The following NBDY variants were observed in gnomAD, a reference collection of about 807,000 sequenced individuals.
The protein encoded by NBDY is negative regulator of P-body association.
At chrX:56,758,058 G>A (rs758455707) in intron 2 of NBDY, among the ~76,000 whole-genome samples, 11 of 111,801 alleles carry the variant, frequency 9.8e-5, no homozygotes, top group Non-Finnish European at 1.5e-4. Context: ...GGTCCGCTAG[G>A]CATGGTGGCC....
intron 2 of NBDY, among the ~76,000 whole-genome samples, chrX:56,815,192 A>G (rs1012000348): frequency 2.7e-5 from 3 of 111,874 alleles, no homozygotes; most frequent in African/African-American, 6.5e-5. Context: ...AATGCTAAAA[A>G]CACTTAATTT....
chrX:56,804,781 C>A (rs1462321423), intron 2 of NBDY, among the ~76,000 whole-genome samples: 1 of 112,013 alleles, frequency 8.9e-6, no homozygotes, highest in Non-Finnish European at 1.9e-5. Flanking sequence ...GGTCTCCAGG[C>A]AGAAATGGGA....
chrX:56,761,884 G>A (rs941496254), intron 2 of NBDY, among the ~76,000 whole-genome samples: 1 of 112,146 alleles, frequency 8.9e-6, no homozygotes, highest in Non-Finnish European at 1.9e-5. Context: ...TTTCCTCTCC[G>A]TTTTTCCTCT....
chrX:56,729,872 C>T (rs149628120), intron 1 of NBDY, among the ~76,000 whole-genome samples: 3 of 110,584 alleles, frequency 2.7e-5, no homozygotes, highest in African/African-American at 9.9e-5. Flanking sequence ...TCATTGGTGC[C>T]AAGGTGGAGG....
Position 56,799,163 on chromosome X carries a change from CT to C in NBDY, c.*167-18154del, listed in dbSNP as rs1173939583. Among the ~76,000 whole-genome samples, 3 of 112,452 alleles carry C rather than the reference CT, an allele frequency of 2.7e-5. No homozygotes were observed. In the East Asian group the frequency reaches 8.5e-4, roughly 32 times the overall value. The stretch of plus-strand genomic sequence containing the variant: ...GATAGCGCCCTGGCTCCACAGCTCT[CT>C]TTGTAAGAATGGACAGGCAGGGGCG... On this transcript the variant is annotated intron_variant, in intron 2 of 2. Transcript: ENST00000374922.
Position 56,729,449 on chromosome X carries a change from G to C in NBDY, c.96G>C (p.Pro32=), listed in dbSNP as rs957598436. Residue 32 remains proline (P), a synonymous_variant, in exon 1 of 3, where the codon CCG becomes CCC. Transcript: ENST00000374922. ...KPPKKRCLLA[P]RWDYPEGTPN... is the part of the protein sequence containing the mutation. ...CAAAAAAGCGCTGCCTCCTCGCTCCGCGTTGGGATTATCCGGAAGGAACTC... is the reference window on the plus strand; with the variant it reads ...CAAAAAAGCGCTGCCTCCTCGCTCCCCGTTGGGATTATCCGGAAGGAACTC... The C allele has an allele frequency of 9.5e-5, 28 of 295,769 alleles. No homozygotes were observed. The highest frequency in any genetic ancestry group is 1.5e-4 in the Non-Finnish European group (26 of 169,954). The allele number at this position is 295,769 out of a possible 1,213,427, so 24.4% of individuals were successfully genotyped here. A position where few individuals can be genotyped will look rare whatever the true frequency, so the allele number is the denominator to read the frequency against.
At chrX:56,795,383 G>A (rs2069786701) in intron 2 of NBDY, among the ~76,000 whole-genome samples, 1 of 111,907 alleles carries the variant, frequency 8.9e-6, no homozygotes, top group Non-Finnish European at 1.9e-5. Context: ...GCCTGACGTG[G>A]TCCATCATAC....
intron 2 of NBDY, among the ~76,000 whole-genome samples, chrX:56,812,196 C>T (rs948117628): frequency 1.3e-4 from 14 of 108,027 alleles, no homozygotes; most frequent in African/African-American, 4.7e-4. Flanking sequence ...GCTCCTATTC[C>T]ACCATCTTGC....
At chrX:56,756,723 G>A (rs2069613116) in intron 2 of NBDY, among the ~76,000 whole-genome samples, 1 of 111,895 alleles carries the variant, frequency 8.9e-6, no homozygotes, top group African/African-American at 3.2e-5. Context: ...TCAATGTTTT[G>A]GGAGGGCAAG....
chrX:56,802,051 C>A (rs1391628804), intron 2 of NBDY, among the ~76,000 whole-genome samples: 1 of 110,833 alleles, frequency 9.0e-6, no homozygotes, highest in Non-Finnish European at 1.9e-5. Flanking sequence ...CGGGCTCAAG[C>A]ATTCACCCAC....
intron 2 of NBDY, among the ~76,000 whole-genome samples, chrX:56,789,066 G>A (rs1473748969): frequency 1.8e-5 from 2 of 112,764 alleles, no homozygotes; most frequent in Non-Finnish European, 3.8e-5. Flanking sequence ...TGGCAGTCAC[G>A]TCTTTTCCTT....
At chrX:56,764,702 C>CAAAAAAAAAAAAAAAAA (rs10623590) in intron 2 of NBDY, among the ~76,000 whole-genome samples, 13 of 60,786 alleles carry the variant, frequency 2.1e-4, no homozygotes, top group Non-Finnish European at 3.4e-4. Context: ...AAACAAACAC[C>CAAAAAAAAAAAAAAAAA]AAAAAAAAAA....
intron 2 of NBDY, among the ~76,000 whole-genome samples, chrX:56,810,320 C>T (rs771301271): frequency 2.7e-5 from 3 of 111,435 alleles, no homozygotes; most frequent in Non-Finnish European, 1.9e-5. Flanking sequence ...GGAAGTTCTC[C>T]TGGATAATAT....
At chrX:56,803,135 GC>G (rs1040339208) in intron 2 of NBDY, among the ~76,000 whole-genome samples, 3 of 110,683 alleles carry the variant, frequency 2.7e-5, no homozygotes, top group African/African-American at 9.8e-5. Context: ...GCGGTGTGGG[GC>G]CCCCAGGCTG....
At position 56,817,550 on chromosome X, in the gene NBDY, C is replaced by T. The variant is rs1391094695; in HGVS notation, c.*397C>T. 4.5e-5 allele frequency: 5 copies of T among 111,729 alleles called. No homozygotes were observed. Among genetic ancestry groups the T allele is most frequent in the Middle Eastern group, 4.2e-3 (1 of 239 alleles). The allele number at this position is 111,729 out of a possible 1,213,427, so 9.2% of individuals were successfully genotyped here. On this transcript the variant is annotated 3_prime_UTR_variant, in exon 3 of 3. Coordinates refer to ENST00000374922, the MANE Select transcript of NBDY (RefSeq NM_001348129.2). ...TTATATTCCTATAAATCCATTAAGG[C>T]CCCAATAAAGTTTGTCTCTAAGCGC...
chrX:56,739,403 G>A (rs1204003179), intron 2 of NBDY, among the ~76,000 whole-genome samples: 1 of 104,360 alleles, frequency 9.6e-6, no homozygotes, highest in Admixed American at 1.1e-4. Context: ...ACTTTAACAA[G>A]AGATATGCTT....
At position 56,798,881 on chromosome X, in the gene NBDY, C is replaced by A. The variant is rs1464273818; in HGVS notation, c.*167-18439C>A. 2.7e-5 allele frequency among the ~76,000 whole-genome samples: 3 copies of A among 112,028 alleles called. No homozygotes were observed. The Admixed American group carries it at 2.8e-4, about 11-fold the overall frequency. On this transcript the variant is annotated intron_variant, in intron 2 of 2. Coordinates refer to ENST00000374922, the MANE Select transcript of NBDY (RefSeq NM_001348129.2). The stretch of plus-strand genomic sequence containing the variant: ...TCCTTTCTCTCCCTCCTGTCTTTTT[C>A]TCGTTCTCCTTCCTATTTGCTTTTT...
intron 2 of NBDY, among the ~76,000 whole-genome samples, chrX:56,786,883 T>C (rs2069732325): frequency 9.0e-6 from 1 of 111,463 alleles, no homozygotes; most frequent in African/African-American, 3.3e-5. Flanking sequence ...GTCACCAGTT[T>C]AGTCCTTCTG....
At chrX:56,788,450 A>G (rs2069742940) in intron 2 of NBDY, among the ~76,000 whole-genome samples, 1 of 112,362 alleles carries the variant, frequency 8.9e-6, no homozygotes, top group African/African-American at 3.2e-5. Flanking sequence ...AGGATGAGAG[A>G]GGAGCTCCTC....
Sources: gnomAD v4.1 joint callset for allele counts (sites outside exome capture counted in the v4.1 genomes callset) on GRCh38, gnomAD v4.1.1 for gene constraint, MANE v1.5 for transcripts, NCBI Gene and HGNC (gene_info 2026-07-23, HGNC 2026-07-21) for gene names.